KIAA1671: variants seen among roughly 807,000 people sequenced by gnomAD.
The protein encoded by KIAA1671 is KIAA1671, also known as uncharacterized protein KIAA1671.
In KIAA1671, 52 loss-of-function variants were observed where a neutral mutation model predicts 131.2. The ratio of observed to expected loss-of-function variants is 0.40; its 90% CI spans 0.32 to 0.50. KIAA1671 has a LOEUF of 0.50. Among genes scored for constraint, KIAA1671 ranks in the 20% least tolerant of loss-of-function variants. The pLI, the probability that KIAA1671 is intolerant of heterozygous loss-of-function variation, is 0.73. For synonymous variants in KIAA1671, 1,003 were observed against 961.6 expected, an observed-to-expected ratio of 1.04 and a Z score of -0.80; for missense variants, 2,360 against 2,364.2, an observed-to-expected ratio of 1.00 and a Z score of 0.04.
At chr22:25,014,128 A>T (rs1041854166) in intron 1 of KIAA1671, 3 of 152,228 alleles carry the variant, frequency 2.0e-5, no homozygotes, top group Admixed American at 2.0e-4. Flanking sequence ...TTTAAGGTTC[A>T]CTAATTGACA....
At chr22:25,177,598 A>C (rs758677858) in intron 9 of KIAA1671, 76 bp downstream of exon 9, 37 of 1,335,906 alleles carry the variant, frequency 2.8e-5, no homozygotes, top group Non-Finnish European at 3.2e-5. Context: ...CTATGAAAAA[A>C]TTCCTGACTT....
intron 1 of KIAA1671, among the ~76,000 whole-genome samples, chr22:24,991,446 C>T (rs1923835415): frequency 6.6e-6 from 1 of 151,316 alleles, no homozygotes; most frequent in African/African-American, 2.4e-5. Flanking sequence ...CTCTTTAAGC[C>T]TCAGTTTCCT....
intron 3 of KIAA1671, among the ~76,000 whole-genome samples, chr22:25,031,270 C>T (rs944618779): frequency 2.0e-5 from 3 of 150,548 alleles, no homozygotes; most frequent in Non-Finnish European, 2.9e-5. Context: ...GATCTTGGCT[C>T]GCTGCAAGCT....
chr22:24,986,619 TCACCCACCCAACCACC>T (rs1417801883), intron 1 of KIAA1671, among the ~76,000 whole-genome samples: 1 of 143,848 alleles, frequency 7.0e-6, no homozygotes, highest in African/African-American at 2.6e-5. Context: ...TTCATTTCAT[TCACCCACCCAACCACC>T]CACCCACCCA....
At chr22:25,134,941 A>G (rs1932606822) in intron 6 of KIAA1671, among the ~76,000 whole-genome samples, 2 of 152,166 alleles carry the variant, frequency 1.3e-5, no homozygotes, top group Non-Finnish European at 2.9e-5. Flanking sequence ...CGTAGCAGAC[A>G]CTCTATACAT....
At chr22:25,048,515 G>A (rs1427043091) in intron 5 of KIAA1671, among the ~76,000 whole-genome samples, 1 of 152,182 alleles carries the variant, frequency 6.6e-6, no homozygotes, top group Non-Finnish European at 1.5e-5. Context: ...TCTTCCTGGT[G>A]CTGTGTGTTC....
chr22:25,170,991 T>C, intron 7 of KIAA1671, 53 bp downstream of exon 7: 5 of 1,399,812 alleles, frequency 3.6e-6, no homozygotes, highest in Non-Finnish European at 5.0e-6. Context: ...TGGGCTGGAG[T>C]TGCTGCAGCC....
chr22:25,077,549 TG>T (rs928779380), intron 6 of KIAA1671, among the ~76,000 whole-genome samples: 7 of 152,284 alleles, frequency 4.6e-5, no homozygotes, highest in Admixed American at 4.6e-4. Context: ...ATGGCAGAGG[TG>T]GCTGCTTTCA....
chr22:25,189,126 C>CTTTTTTTTTTTTTTTTTTTT (rs200226589), intron 11 of KIAA1671, among the ~76,000 whole-genome samples: 83 of 114,842 alleles, frequency 7.2e-4, no homozygotes, highest in African/African-American at 1.1e-3. Flanking sequence ...CAGTCTTTTT[C>CTTTTTTTTTTTTTTTTTTTT]TTTTTTTTTT....
intron 6 of KIAA1671, among the ~76,000 whole-genome samples, chr22:25,091,124 T>C (rs1345293505): frequency 6.6e-6 from 1 of 152,084 alleles, no homozygotes; most frequent in Non-Finnish European, 1.5e-5. Flanking sequence ...GTGGCGTGAT[T>C]TTGGCTCACT....
chr22:24,985,272 G>T (rs1406100607), intron 1 of KIAA1671, among the ~76,000 whole-genome samples: 4 of 152,068 alleles, frequency 2.6e-5, no homozygotes, highest in Non-Finnish European at 4.4e-5. Context: ...CCTAAGAGAT[G>T]GGCTTGTTGG....
At chr22:25,127,503 C>T (rs544360169) in intron 6 of KIAA1671, among the ~76,000 whole-genome samples, 1 of 152,192 alleles carries the variant, frequency 6.6e-6, no homozygotes, top group Non-Finnish European at 1.5e-5. Context: ...TCCTCTTCTT[C>T]CCGGCCTCTT....
chr22:25,175,684 C>T (rs1353777731), intron 8 of KIAA1671: 1 of 152,206 alleles, frequency 6.6e-6, no homozygotes, highest in African/African-American at 2.4e-5. Context: ...TAAGTGGTTC[C>T]TTCTTGATGT....
At chr22:25,101,293 G>A (rs714012) in intron 6 of KIAA1671, among the ~76,000 whole-genome samples, 60,338 of 152,112 alleles carry the variant, frequency 0.4, 13,126 homozygotes, top group African/African-American at 0.59. Context: ...GCCAGGGTTT[G>A]CAGCCTTGTA....
intron 1 of KIAA1671, among the ~76,000 whole-genome samples, chr22:24,969,124 C>T (rs533638622): frequency 6.6e-6 from 1 of 152,278 alleles, no homozygotes; most frequent in South Asian, 2.1e-4. Flanking sequence ...TGGTCTTGAA[C>T]TCCTGGACTC....
At chr22:25,184,679 A>G (rs5760897) in intron 10 of KIAA1671, among the ~76,000 whole-genome samples, 120,724 of 152,056 alleles carry the variant, frequency 0.79, 48,881 homozygotes, top group African/African-American at 0.95. Flanking sequence ...CTCCATGTAG[A>G]GTTCTCAGGG....
chr22:24,985,240 G>T (rs888603305), intron 1 of KIAA1671, among the ~76,000 whole-genome samples: 2 of 152,146 alleles, frequency 1.3e-5, no homozygotes, highest in African/African-American at 4.8e-5. Context: ...TGTCTCCGAG[G>T]TATTGAGGAT....
chr22:25,098,986 A>G (rs1293709980), intron 6 of KIAA1671, among the ~76,000 whole-genome samples: 1 of 152,128 alleles, frequency 6.6e-6, no homozygotes, highest in Non-Finnish European at 1.5e-5. Flanking sequence ...CATTCCTCAC[A>G]GCAGCTATGA....
At chr22:25,035,471 G>A (rs1236506890) in intron 4 of KIAA1671, among the ~76,000 whole-genome samples, 1 of 152,136 alleles carries the variant, frequency 6.6e-6, no homozygotes, top group Non-Finnish European at 1.5e-5. Flanking sequence ...CCAGTGCTTG[G>A]TTTCAAGCTT....
Sources: allele counts gnomAD v4.1 joint callset (sites outside exome capture counted in the v4.1 genomes callset), GRCh38; gene constraint gnomAD v4.1.1; transcripts MANE v1.5; gene names NCBI Gene and HGNC (gene_info 2026-07-23, HGNC 2026-07-21).